Variants in ALOX5 observed in about 807,000 individuals in gnomAD.
The protein encoded by ALOX5 is arachidonate 5-lipoxygenase, also known as polyunsaturated fatty acid 5-lipoxygenase.
A neutral mutation model predicts 87.9 loss-of-function variants in ALOX5; 64 were observed. The observed-to-expected ratio is 0.73, with a 90% CI of 0.60 to 0.90. The LOEUF is 0.90. Ranked by LOEUF, ALOX5 falls within the 40% of genes least tolerant of loss-of-function variation. The probability of loss-of-function intolerance (pLI) is 0.00; values close to 1 mark genes in which losing one functional copy is unlikely to be tolerated. For synonymous variants in ALOX5, 388 were observed against 355.1 expected, an observed-to-expected ratio of 1.09 and a Z score of -1.04; for missense variants, 822 against 907.5, an observed-to-expected ratio of 0.91 and a Z score of 1.21.
intron 1 of ALOX5, among the ~76,000 whole-genome samples, chr10:45,380,890 C>T (rs369010611): frequency 1.3e-3 from 193 of 152,262 alleles, no homozygotes; most frequent in African/African-American, 4.3e-3. Flanking sequence ...TGCAGTGAGC[C>T]GAGATCGAGC....
At chr10:45,415,543 C>G (rs977179072) in intron 4 of ALOX5, among the ~76,000 whole-genome samples, 1 of 151,532 alleles carries the variant, frequency 6.6e-6, no homozygotes, top group Non-Finnish European at 1.5e-5. Flanking sequence ...CAATCCTGCA[C>G]GTTGTGCACA....
chr10:45,441,418 C>A lies in ALOX5; in HGVS notation c.1260C>A (p.Gly420=), dbSNP rs776258949. 1 of 1,613,420 alleles carries A rather than the reference C, an allele frequency of 6.2e-7. No individual in the cohort carries two copies. Among genetic ancestry groups the A allele is most frequent in the Non-Finnish European group, 8.5e-7 (1 of 1,179,484 alleles). ...KAREQLICEC[G]LFDKANATGG... ...GTGAGCAGCTCATCTGCGAGTGTGG[C>A]CTCTTTGACAAGGTGGGTGCCCTCC... The change falls in exon 9 of 14, where the codon GGC becomes GGA. Residue 420 remains glycine, a synonymous_variant. Transcript: ENST00000374391.
intron 6 of ALOX5, among the ~76,000 whole-genome samples, chr10:45,427,481 C>T (rs1270721645): frequency 1.3e-5 from 2 of 152,226 alleles, no homozygotes; most frequent in South Asian, 2.1e-4. Flanking sequence ...AGGAGGAGGG[C>T]GGTGGCCAGG....
chr10:45,379,238 C>T (rs1414091472), intron 1 of ALOX5, among the ~76,000 whole-genome samples: 1 of 152,134 alleles, frequency 6.6e-6, no homozygotes, highest in Non-Finnish European at 1.5e-5. Context: ...TAGCTCCTCC[C>T]ACCCCACCCC....
intron 4 of ALOX5, among the ~76,000 whole-genome samples, chr10:45,412,794 C>T (rs1292570499): frequency 2.0e-5 from 3 of 152,196 alleles, no homozygotes; most frequent in African/African-American, 4.8e-5. Flanking sequence ...CTGAGGAATA[C>T]GGAGGTTGAC....
At position 45,412,282 on chromosome 10, in the gene ALOX5, G is replaced by A; in HGVS notation, c.523G>A (p.Gly175Arg). The A allele has an allele frequency of 1.2e-6, 2 of 1,614,190 alleles. No homozygotes were observed. Among genetic ancestry groups the A allele is most frequent in the Middle Eastern group, 1.6e-4 (1 of 6,062 alleles). The change falls in exon 4 of 14, where the codon GGA becomes AGA. Residue 175 changes from glycine (G) to arginine (R), a missense_variant. Coordinates refer to ENST00000374391, the MANE Select transcript of ALOX5 (RefSeq NM_000698.5). ...PRDIQFDSEK[G>R]VDFVLNYSKA... ...TGATATCCAGTTTGATAGTGAAAAA[G>A]GAGTGGACTTTGTTCTGAATTACTC...
intron 7 of ALOX5, among the ~76,000 whole-genome samples, chr10:45,434,142 G>A (rs558688976): frequency 6.6e-6 from 1 of 152,344 alleles, no homozygotes; most frequent in African/African-American, 2.4e-5. Flanking sequence ...GGGCTGGGGG[G>A]CTACAGTGCC....
At chr10:45,378,207 A>T (rs769663804) in intron 1 of ALOX5, among the ~76,000 whole-genome samples, 1 of 152,090 alleles carries the variant, frequency 6.6e-6, no homozygotes, top group African/African-American at 2.4e-5. Flanking sequence ...CTGTCCTTCC[A>T]TGCCACTCCA....
chr10:45,374,993 G>A (rs1009886178), intron 1 of ALOX5, among the ~76,000 whole-genome samples: 2 of 152,190 alleles, frequency 1.3e-5, no homozygotes, highest in African/African-American at 2.4e-5. Flanking sequence ...GTCTGTCTGG[G>A]CCTCAGTTTC....
chr10:45,388,920 T>A (rs1840097028), intron 2 of ALOX5, among the ~76,000 whole-genome samples: 1 of 151,762 alleles, frequency 6.6e-6, no homozygotes, highest in Admixed American at 6.5e-5. Context: ...TTGGAACCCA[T>A]CGCAAAAAAA....
Position 45,374,251 on chromosome 10 carries a change from C to A in ALOX5, c.-29C>A. 2.1e-6 allele frequency: 3 copies of A among 1,454,256 alleles called. No homozygotes were observed. Among genetic ancestry groups the A allele is most frequent in the Non-Finnish European group, 2.7e-6 (3 of 1,102,632 alleles). The allele number at this position is 1,454,256 out of a possible 1,614,324, so 90.1% of individuals were successfully genotyped here. On this transcript the variant is annotated 5_prime_UTR_variant, in exon 1 of 14. Transcript: ENST00000374391. Reference sequence around the variant, plus strand: ...ACCTGGACCGCCGCGCCGAGGCTCCCGGCGCTCGCTGCTCCCGCGGCCCGC... The same window carrying A: ...ACCTGGACCGCCGCGCCGAGGCTCCAGGCGCTCGCTGCTCCCGCGGCCCGC...
intron 3 of ALOX5, among the ~76,000 whole-genome samples, chr10:45,405,253 C>G (rs1840836277): frequency 6.6e-6 from 1 of 152,188 alleles, no homozygotes; most frequent in Non-Finnish European, 1.5e-5. Flanking sequence ...CGACAAAAAT[C>G]CTTTCACAAA....
chr10:45,417,619 T>C (rs1022024053), intron 4 of ALOX5, among the ~76,000 whole-genome samples: 1 of 152,198 alleles, frequency 6.6e-6, no homozygotes, highest in Non-Finnish European at 1.5e-5. Context: ...GTATAATTTG[T>C]TGGAGGCTCG....
At chr10:45,376,399 G>GA (rs968210966) in intron 1 of ALOX5, among the ~76,000 whole-genome samples, 3 of 152,162 alleles carry the variant, frequency 2.0e-5, no homozygotes, top group Non-Finnish European at 2.9e-5. Context: ...AAGTTTCCTT[G>GA]AAAAAATCAG....
intron 11 of ALOX5, 26 bp downstream of exon 11, chr10:45,443,563 C>T: frequency 6.2e-7 from 1 of 1,603,018 alleles, no homozygotes; most frequent in South Asian, 1.1e-5. Flanking sequence ...CGTCTCCGGA[C>T]CCGGCTCCCC....
chr10:45,441,270 G>A, intron 8 of ALOX5, 74 bp from the exon 9 acceptor site: 1 of 1,344,874 alleles, frequency 7.4e-7, no homozygotes, highest in Non-Finnish European at 1.1e-6. Context: ...CCTGGGTGGG[G>A]GAGCTGCGGG....
intron 6 of ALOX5, among the ~76,000 whole-genome samples, chr10:45,426,007 A>G (rs1841691081): frequency 1.3e-5 from 2 of 152,192 alleles, no homozygotes; most frequent in South Asian, 4.1e-4. Flanking sequence ...GCCCCAGTGC[A>G]GGCAGTGTTT....
Position 45,382,685 on chromosome 10 carries a change from A to T in ALOX5, c.349+4A>T. The stretch of plus-strand genomic sequence containing the variant: ...GTTGTCCTGAGGGATGGACGCGGTG[A>T]GCAGCTCAGGCCCCTTCTGCCCCGG... On this transcript the variant is annotated splice_donor_region_variant and intron_variant, in intron 2 of 13. Transcript: ENST00000374391. 1 of 1,610,778 alleles carries T rather than the reference A, an allele frequency of 6.2e-7. No homozygotes were observed. Among genetic ancestry groups the T allele is most frequent in the Non-Finnish European group, 8.5e-7 (1 of 1,178,476 alleles).
intron 1 of ALOX5, among the ~76,000 whole-genome samples, chr10:45,376,252 C>T (rs1010250995): frequency 3.4e-5 from 5 of 146,532 alleles, no homozygotes; most frequent in Non-Finnish European, 7.4e-5. Flanking sequence ...ACACCTCAGC[C>T]GGAATCCCAG....
Sources: gnomAD v4.1 joint callset for allele counts (sites outside exome capture counted in the v4.1 genomes callset) on GRCh38, gnomAD v4.1.1 for gene constraint, MANE v1.5 for transcripts, NCBI Gene and HGNC (gene_info 2026-07-23, HGNC 2026-07-21) for gene names.